Variants in PRDM16 observed in about 807,000 individuals in gnomAD.
PRDM16 encodes histone-lysine N-methyltransferase PRDM16.
A neutral mutation model predicts 110.6 loss-of-function variants in PRDM16; 23 were observed. The observed-to-expected ratio is 0.21, with a 90% CI of 0.15 to 0.29. PRDM16 has a LOEUF of 0.29. Ranked by LOEUF, PRDM16 falls within the 10% of genes least tolerant of loss-of-function variation. The probability of loss-of-function intolerance (pLI) is 1.00; values close to 1 mark genes in which losing one functional copy is unlikely to be tolerated. For missense variants in PRDM16, 1,615 were observed against 1,794.3 expected (o/e 0.90, Z 1.81); for synonymous variants, 799 against 781.8 (o/e 1.02, Z -0.37).
intron 2 of PRDM16, among the ~76,000 whole-genome samples, chr1:3,212,702 A>ATCCTCCCGGCCC (rs1638927036): frequency 6.6e-6 from 1 of 151,754 alleles, no homozygotes; most frequent in Admixed American, 6.6e-5. Flanking sequence ...CCTCTCTGCC[A>ATCCTCCCGGCCC]CTGTGGATGG....
chr1:3,297,708 G>A (rs995166884), intron 3 of PRDM16, among the ~76,000 whole-genome samples: 3 of 152,184 alleles, frequency 2.0e-5, no homozygotes, highest in East Asian at 1.9e-4. Context: ...GCACCAGGCC[G>A]ACTCCTGCCC....
intron 3 of PRDM16, among the ~76,000 whole-genome samples, chr1:3,268,226 G>A (rs919825503): frequency 3.9e-5 from 6 of 152,242 alleles, no homozygotes; most frequent in Non-Finnish European, 7.3e-5. Flanking sequence ...CAGACCAGGT[G>A]CGCGTGGAAG....
At chr1:3,373,800 G>A (rs575942161) in intron 3 of PRDM16, among the ~76,000 whole-genome samples, 11 of 152,352 alleles carry the variant, frequency 7.2e-5, no homozygotes, top group African/African-American at 1.2e-4. Flanking sequence ...CAGCCAACGC[G>A]TGCTGCCCTC....
chr1:3,244,384 T>A lies in PRDM16; in HGVS notation c.438+247T>A, dbSNP rs1639741675. Among the ~76,000 whole-genome samples the A allele has an allele frequency of 6.6e-6, 1 of 152,046 alleles. No homozygotes were observed. Among genetic ancestry groups the A allele is most frequent in the Non-Finnish European group, 1.5e-5 (1 of 67,996 alleles). ...ACAGGTACAGGGCCATCCGCCACTC[T>A]CCTAACTCCCGAGAGTGGAGGAGAG... On this transcript the variant is annotated intron_variant, in intron 3 of 16. Coordinates refer to ENST00000270722, the MANE Select transcript of PRDM16 (RefSeq NM_022114.4). This position sits in a 1 kb window ranked among gnomAD's most constrained non-coding sequence, Gnocchi z 4.1.
chr1:3,282,169 C>T (rs1406626911), intron 3 of PRDM16, among the ~76,000 whole-genome samples: 1 of 152,224 alleles, frequency 6.6e-6, no homozygotes, highest in African/African-American at 2.4e-5. Context: ...CAGGCCTGAG[C>T]AGTGAGTTCC....
At chr1:3,392,591 G>A (rs1226831064) in intron 4 of PRDM16, among the ~76,000 whole-genome samples, 2 of 152,146 alleles carry the variant, frequency 1.3e-5, no homozygotes, top group Admixed American at 6.5e-5. Context: ...CTTCATATTC[G>A]AAAGTCGTCT....
intron 3 of PRDM16, among the ~76,000 whole-genome samples, chr1:3,352,654 G>T (rs1027104608): frequency 1.3e-5 from 2 of 152,232 alleles, no homozygotes; most frequent in Admixed American, 1.3e-4. Flanking sequence ...CGCTGGAATC[G>T]CCTAATGCAC....
intron 1 of PRDM16, among the ~76,000 whole-genome samples, chr1:3,079,954 G>A (rs551875309): frequency 3.3e-5 from 5 of 152,316 alleles, no homozygotes; most frequent in East Asian, 1.9e-4. Flanking sequence ...TTAGCCCTCC[G>A]TGGCGCCAGA....
At chr1:3,334,920 TC>T (rs1194778168) in intron 3 of PRDM16, among the ~76,000 whole-genome samples, 1 of 152,198 alleles carries the variant, frequency 6.6e-6, no homozygotes, top group Non-Finnish European at 1.5e-5. Flanking sequence ...GCCTGCGCCT[TC>T]CGCGGAGGGC....
At chr1:3,101,739 T>G (rs1182835972) in intron 1 of PRDM16, among the ~76,000 whole-genome samples, 1 of 152,208 alleles carries the variant, frequency 6.6e-6, no homozygotes, top group Non-Finnish European at 1.5e-5. Context: ...GCATATGTCC[T>G]CAGGGCAGCT....
chr1:3,377,470 A>G (rs981669279), intron 3 of PRDM16, among the ~76,000 whole-genome samples: 12 of 151,970 alleles, frequency 7.9e-5, no homozygotes, highest in African/African-American at 2.9e-4. Flanking sequence ...AATTATATGC[A>G]AAAAATGTAA....
rs572862832 is a variant in PRDM16 at position 3,301,710 on chromosome 1, G to A, written c.438+57573G>A. ...GATTTTGCTCTGTGTCTGTTGGCTT[G>A]TTACTAACCCCAAGCAAAGCCACTG... On this transcript the variant is annotated intron_variant, in intron 3 of 16. Coordinates refer to ENST00000270722, the MANE Select transcript of PRDM16 (RefSeq NM_022114.4). Among the ~76,000 whole-genome samples the A allele has an allele frequency of 2.6e-5, 4 of 152,318 alleles. No homozygotes were observed. The East Asian group carries it at 7.7e-4, about 29-fold the overall frequency.
chr1:3,318,374 G>C (rs142654209), intron 3 of PRDM16, among the ~76,000 whole-genome samples: 1 of 151,972 alleles, frequency 6.6e-6, no homozygotes. Flanking sequence ...GTTCAAATTC[G>C]CTTTTTTCCA....
intron 1 of PRDM16, among the ~76,000 whole-genome samples, chr1:3,181,782 A>G (rs111203496): frequency 0.011 from 1,615 of 141,568 alleles, 54 homozygotes; most frequent in African/African-American, 0.041. Context: ...TTACACATGC[A>G]GTCTTACACA....
chr1:3,211,720 G>A (rs2100845726), intron 2 of PRDM16, among the ~76,000 whole-genome samples: 1 of 152,384 alleles, frequency 6.6e-6, no homozygotes, highest in East Asian at 1.9e-4. Flanking sequence ...TCACGGACAA[G>A]CCGGCCTGGG....
rs1642646645 is a variant in PRDM16 at position 3,358,236 on chromosome 1, T to A, written c.439-26916T>A. The stretch of plus-strand genomic sequence containing the variant: ...TCTTCCTCCCTGTACACAGATAAAG[T>A]CACCATGAGACTCCCGGTTCTGCCT... On this transcript the variant is annotated intron_variant, in intron 3 of 16. Transcript: ENST00000270722. The surrounding 1 kb of genome is among the most constrained non-coding windows in gnomAD (Gnocchi z 4.0). Among the ~76,000 whole-genome samples the A allele has an allele frequency of 6.6e-6, 1 of 152,158 alleles. No individual in the cohort carries two copies. Among genetic ancestry groups the A allele is most frequent in the South Asian group, 2.1e-4 (1 of 4,814 alleles).
rs1643727414 is a variant in PRDM16 at position 3,148,903 on chromosome 1, G to C, written c.38-37222G>C. 6.6e-6 allele frequency among the ~76,000 whole-genome samples: 1 copy of C among 152,254 alleles called. No homozygotes were observed. Among genetic ancestry groups the C allele is most frequent in the Non-Finnish European group, 1.5e-5 (1 of 68,048 alleles). On this transcript the variant is annotated intron_variant, in intron 1 of 16. Coordinates refer to ENST00000270722, the MANE Select transcript of PRDM16 (RefSeq NM_022114.4). This position sits in a 1 kb window ranked among gnomAD's most constrained non-coding sequence, Gnocchi z 5.0. The stretch of plus-strand genomic sequence containing the variant: ...ATCGTTCCAAAAAAGGAGGATCCCA[G>C]TTGCGGAGGAAATGTTGGAGGAGGG...
chr1:3,354,104 C>T (rs1292311012), intron 3 of PRDM16, among the ~76,000 whole-genome samples: 3 of 152,182 alleles, frequency 2.0e-5, no homozygotes, highest in Admixed American at 6.5e-5. Flanking sequence ...TTACAAATGT[C>T]TATTAAACAT....
At chr1:3,200,049 T>C (rs1207757763) in intron 2 of PRDM16, among the ~76,000 whole-genome samples, 1 of 152,370 alleles carries the variant, frequency 6.6e-6, no homozygotes, top group South Asian at 2.1e-4. Context: ...AATGCTGAGA[T>C]ATCAGACTGG....
Sources: allele counts gnomAD v4.1 joint callset (sites outside exome capture counted in the v4.1 genomes callset), GRCh38; gene constraint gnomAD v4.1.1; non-coding constraint Gnocchi (gnomAD v3.1); transcripts MANE v1.5; gene names NCBI Gene and HGNC (gene_info 2026-07-23, HGNC 2026-07-21).